The following FAXDC2 variants were observed in gnomAD, a reference collection of about 807,000 sequenced individuals.
FAXDC2 encodes the protein fatty acid hydroxylase domain containing 2, also known as fatty acid hydroxylase domain-containing protein 2.
A neutral mutation model predicts 40.9 loss-of-function variants in FAXDC2; 41 were observed. The ratio of observed to expected loss-of-function variants is 1.00; its 90% CI spans 0.78 to 1.30. The LOEUF (loss-of-function observed/expected upper bound fraction) is 1.30, where lower values mean the gene tolerates loss of function less well. FAXDC2 is among the 50% of genes most tolerant of loss of function. The pLI is 0.00. For missense variants in FAXDC2, 390 were observed against 408.8 expected, an observed-to-expected ratio of 0.95 and a Z score of 0.40; for synonymous variants, 157 against 149.3, an observed-to-expected ratio of 1.05 and a Z score of -0.38.
intron 1 of FAXDC2, among the ~76,000 whole-genome samples, chr5:154,848,015 A>ATTTT (rs1441686169): frequency 6.6e-6 from 1 of 151,232 alleles, no homozygotes; most frequent in African/African-American, 2.4e-5. Flanking sequence ...AATTTTTTGT[A>ATTTT]TTTTTAGTAG....
At chr5:154,842,512 G>GTGTT (rs1760499456) in intron 1 of FAXDC2, among the ~76,000 whole-genome samples, 1 of 51,586 alleles carries the variant, frequency 1.9e-5, no homozygotes, top group Admixed American at 2.5e-4. Context: ...CCCTTTGTGT[G>GTGTT]TTTTTTTTTT....
Position 154,833,709 on chromosome 5 carries a change from G to A in FAXDC2, c.244+916C>T, listed in dbSNP as rs150865360. Among the ~76,000 whole-genome samples the A allele has an allele frequency of 8.2e-3, 1,200 of 145,912 alleles. 11 individuals are homozygous for A. The highest frequency in any genetic ancestry group is 0.029 in the African/African-American group (1,157 of 39,266). On this transcript the variant is annotated intron_variant, in intron 4 of 8. Transcript: ENST00000326080. ...TTTTGAGACGAAGTTTCACACTGTC[G>A]CCCAGCTGGAGTGCAGTGTCATGAT...
Position 154,825,873 on chromosome 5 carries a change from T to G in FAXDC2, c.367-2281A>C, listed in dbSNP as rs549493680. Reference sequence around the variant, plus strand: ...TTTTTGGCCTGAGAAACTGGAAGATTGGAATTGCCATCCACTCAGATTGGG... The same window carrying G: ...TTTTTGGCCTGAGAAACTGGAAGATGGGAATTGCCATCCACTCAGATTGGG... On this transcript the variant is annotated intron_variant, in intron 5 of 8. Transcript: ENST00000326080. 1.4e-4 allele frequency among the ~76,000 whole-genome samples: 21 copies of G among 152,100 alleles called. No individual in the cohort carries two copies. In the South Asian group the frequency reaches 4.4e-3, roughly 32 times the overall value.
chr5:154,824,339 TTCCTGGA>T, intron 5 of FAXDC2: 1 of 622,878 alleles, frequency 1.6e-6, no homozygotes, highest in Non-Finnish European at 2.9e-6. Flanking sequence ...CATAGATTAC[TTCCTGGA>T]TCCTGATGAA....
chr5:154,832,690 A>C (rs1760224285), intron 4 of FAXDC2, among the ~76,000 whole-genome samples: 3 of 152,156 alleles, frequency 2.0e-5, no homozygotes, highest in Admixed American at 2.0e-4. Flanking sequence ...TAAAATTGGA[A>C]ATATTTTCTC....
intron 6 of FAXDC2, 166 bp downstream of exon 6, chr5:154,823,221 C>G: frequency 1.6e-6 from 1 of 627,520 alleles, no homozygotes; most frequent in Non-Finnish European, 2.8e-6. Flanking sequence ...CTGACATTCC[C>G]CAGGCTAGTC....
Position 154,842,658 on chromosome 5 carries a change from G to A in FAXDC2, c.1-4480C>T, listed in dbSNP as rs527366369. ...CTGCCTCAGCCTCCCGAGTAGCTGG[G>A]ATTACAGGCACGCACCACCATGCCC... On this transcript the variant is annotated intron_variant, in intron 1 of 8. Coordinates refer to ENST00000326080, the MANE Select transcript of FAXDC2 (RefSeq NM_032385.5). Among the ~76,000 whole-genome samples, 207 of 147,936 alleles carry A rather than the reference G, an allele frequency of 1.4e-3. 2 individuals carry two copies. Among genetic ancestry groups the A allele is most frequent in the Middle Eastern group, 7.4e-3 (2 of 270 alleles).
intron 1 of FAXDC2, among the ~76,000 whole-genome samples, chr5:154,843,865 C>G (rs1760535847): frequency 6.6e-6 from 1 of 152,172 alleles, no homozygotes; most frequent in Admixed American, 6.6e-5. Context: ...GTGGCTCATG[C>G]CTATAATCCC....
intron 1 of FAXDC2, among the ~76,000 whole-genome samples, chr5:154,847,214 C>T (rs1340802887): frequency 1.6e-4 from 24 of 152,100 alleles, no homozygotes; most frequent in Admixed American, 1.6e-3. Context: ...ATCTTGGTCT[C>T]CCAAAGTGCT....
intron 5 of FAXDC2, among the ~76,000 whole-genome samples, chr5:154,827,857 T>G (rs2113134230): frequency 6.6e-6 from 1 of 151,922 alleles, no homozygotes; most frequent in East Asian, 1.9e-4. Flanking sequence ...CTGTTTTTTT[T>G]CCTTCTTTTT....
At chr5:154,846,687 AG>A (rs1192681976) in intron 1 of FAXDC2, among the ~76,000 whole-genome samples, 1 of 151,690 alleles carries the variant, frequency 6.6e-6, no homozygotes, top group Admixed American at 6.6e-5. Flanking sequence ...GCCTGGCCGA[AG>A]GTTCTAATAT....
At chr5:154,826,527 T>TAAAAA (rs764669604) in intron 5 of FAXDC2, among the ~76,000 whole-genome samples, 22 of 101,336 alleles carry the variant, frequency 2.2e-4, no homozygotes, top group Non-Finnish European at 2.3e-4. Context: ...AGACTGTCTC[T>TAAAAA]AAAAAAAAAA....
intron 1 of FAXDC2, among the ~76,000 whole-genome samples, chr5:154,846,243 T>C (rs1423817548): frequency 6.6e-6 from 1 of 150,884 alleles, no homozygotes; most frequent in African/African-American, 2.5e-5. Context: ...GATTGGCCTA[T>C]ATTAGCCATG....
At chr5:154,824,696 C>T in intron 5 of FAXDC2, 1 of 606,328 alleles carries the variant, frequency 1.6e-6, no homozygotes, top group Non-Finnish European at 3.0e-6. Flanking sequence ...ACTCAGTGTA[C>T]TGGGTGTTGA....
intron 1 of FAXDC2, among the ~76,000 whole-genome samples, chr5:154,849,568 C>G (rs116794404): frequency 9.2e-5 from 14 of 152,078 alleles, no homozygotes; most frequent in Non-Finnish European, 1.9e-4. Context: ...TTGCTTTTTG[C>G]CCTCAAAAAG....
intron 5 of FAXDC2, among the ~76,000 whole-genome samples, chr5:154,829,227 C>A (rs1362242122): frequency 7.9e-5 from 12 of 152,150 alleles, no homozygotes. Context: ...AGCAAGGCCC[C>A]TCCCTCTGCC....
In FAXDC2 at chr5:154,820,035, A is replaced by G. The variant is rs904466179; in HGVS notation, c.*281T>C. ...CTGAACCCCTCTCCTTCCACAGCAG[A>G]GGACCAGGGGTCTCCTCCCTCTGAC... On this transcript the variant is annotated 3_prime_UTR_variant, in exon 9 of 9. Coordinates refer to ENST00000326080, the MANE Select transcript of FAXDC2 (RefSeq NM_032385.5). 3.7e-5 allele frequency: 11 copies of G among 294,742 alleles called. No homozygotes were observed. Among genetic ancestry groups the G allele is most frequent in the Non-Finnish European group, 6.8e-5 (10 of 146,900 alleles). 18.3% of individuals were successfully genotyped at this position (294,742 alleles called of 1,614,324 possible). A position where few individuals can be genotyped will look rare whatever the true frequency, so the allele number is the denominator to read the frequency against.
At chr5:154,828,527 G>T (rs957325438) in intron 5 of FAXDC2, among the ~76,000 whole-genome samples, 2 of 151,980 alleles carry the variant, frequency 1.3e-5, no homozygotes, top group African/African-American at 4.8e-5. Flanking sequence ...CAGAGCATGT[G>T]GGTGCAGGTA....
At chr5:154,845,585 TA>T (rs1228015977) in intron 1 of FAXDC2, among the ~76,000 whole-genome samples, 4 of 151,438 alleles carry the variant, frequency 2.6e-5, no homozygotes, top group Non-Finnish European at 4.4e-5. Flanking sequence ...AGTATTAATA[TA>T]AAAAAAATTA....
Sources: allele counts gnomAD v4.1 joint callset (sites outside exome capture counted in the v4.1 genomes callset), GRCh38; gene constraint gnomAD v4.1.1; transcripts MANE v1.5; gene names NCBI Gene and HGNC (gene_info 2026-07-23, HGNC 2026-07-21).